WWOX: variants seen among roughly 807,000 people sequenced by gnomAD.
The protein encoded by WWOX is WW domain containing oxidoreductase.
A neutral mutation model predicts 46.2 loss-of-function variants in WWOX; 69 were observed. The observed-to-expected ratio is 1.49, with a 90% CI of 1.23 to 1.82. The LOEUF is 1.82. Among genes scored for constraint, WWOX ranks in the 40% most tolerant of loss-of-function variants. WWOX has a pLI of 0.00. For synonymous variants in WWOX, 359 were observed against 202.6 expected, an observed-to-expected ratio of 1.77 and a Z score of -6.56; for missense variants, 919 against 542.6, an observed-to-expected ratio of 1.69 and a Z score of -6.89.
At chr16:78,487,236 C>T (rs2084660872) in intron 8 of WWOX, among the ~76,000 whole-genome samples, 1 of 151,240 alleles carries the variant, frequency 6.6e-6, no homozygotes. Context: ...TTTTTTCTCC[C>T]CATCTTGAAC....
chr16:78,900,185 G>A (rs2044795182), intron 8 of WWOX, among the ~76,000 whole-genome samples: 1 of 150,810 alleles, frequency 6.6e-6, no homozygotes, highest in African/African-American at 2.4e-5. Flanking sequence ...AGAGTAGGGT[G>A]TAAACCTTCA....
chr16:79,104,734 T>C (rs1358155079), intron 8 of WWOX, among the ~76,000 whole-genome samples: 1 of 151,978 alleles, frequency 6.6e-6, no homozygotes, highest in African/African-American at 2.4e-5. Flanking sequence ...CCAGCATGAG[T>C]CCTTTTCAGA....
At chr16:78,424,786 C>T in intron 6 of WWOX, 84 bp from the exon 7 acceptor site, 2 of 1,475,776 alleles carry the variant, frequency 1.4e-6, no homozygotes, top group Middle Eastern at 3.5e-4. Context: ...TTTATGTCCA[C>T]ATCACGTGGA....
intron 4 of WWOX, among the ~76,000 whole-genome samples, chr16:78,137,532 C>A (rs574522839): frequency 6.6e-6 from 1 of 152,150 alleles, no homozygotes; most frequent in Non-Finnish European, 1.5e-5. Context: ...GGACCAAGTT[C>A]TTATTTTCTT....
intron 8 of WWOX, among the ~76,000 whole-genome samples, chr16:78,912,745 T>C (rs1282932148): frequency 4.6e-5 from 7 of 152,028 alleles, no homozygotes; most frequent in Non-Finnish European, 8.8e-5. Context: ...AATGGTAAAA[T>C]TGATTCTCTA....
chr16:78,672,747 T>G (rs562501247), intron 8 of WWOX, among the ~76,000 whole-genome samples: 1 of 152,284 alleles, frequency 6.6e-6, no homozygotes, highest in African/African-American at 2.4e-5. Context: ...AGCCCCCCAT[T>G]TTAGGGTCTG....
intron 8 of WWOX, among the ~76,000 whole-genome samples, chr16:78,476,128 G>T (rs1256203242): frequency 6.6e-6 from 1 of 152,182 alleles, no homozygotes; most frequent in African/African-American, 2.4e-5. Context: ...TCTTGCCTGT[G>T]ATACAGGTGG....
At chr16:79,204,705 T>C (rs1726627478) in intron 8 of WWOX, 1 of 152,240 alleles carries the variant, frequency 6.6e-6, no homozygotes, top group African/African-American at 2.4e-5. Context: ...TAGCCCAAGT[T>C]AACATCCTCC....
intron 8 of WWOX, among the ~76,000 whole-genome samples, chr16:78,870,199 C>G (rs571873181): frequency 4.9e-4 from 74 of 152,308 alleles, no homozygotes; most frequent in African/African-American, 1.7e-3. Context: ...GGCAGGTAAT[C>G]TGCTTCCTCA....
chr16:79,157,988 AG>A (rs1210415473), intron 8 of WWOX, among the ~76,000 whole-genome samples: 1 of 152,104 alleles, frequency 6.6e-6, no homozygotes, highest in Non-Finnish European at 1.5e-5. Flanking sequence ...GTGGGGTGTA[AG>A]TTCTGGATTG....
At chr16:78,931,067 C>T (rs1396945560) in intron 8 of WWOX, among the ~76,000 whole-genome samples, 3 of 152,110 alleles carry the variant, frequency 2.0e-5, no homozygotes, top group African/African-American at 7.2e-5. Context: ...AAATGTTTTA[C>T]TTAGTGATGA....
At chr16:78,153,788 A>T (rs573635613) in intron 4 of WWOX, among the ~76,000 whole-genome samples, 1 of 152,332 alleles carries the variant, frequency 6.6e-6, no homozygotes, top group South Asian at 2.1e-4. Flanking sequence ...TAAAACCATA[A>T]TTTACAGTAA....
At chr16:78,548,941 C>T (rs1198789611) in intron 8 of WWOX, among the ~76,000 whole-genome samples, 2 of 152,144 alleles carry the variant, frequency 1.3e-5, no homozygotes, top group Non-Finnish European at 2.9e-5. Context: ...AAGTTTTGCC[C>T]CCCAAATATA....
chr16:79,183,328 G>GA (rs1175349238), intron 8 of WWOX, among the ~76,000 whole-genome samples: 3 of 152,022 alleles, frequency 2.0e-5, no homozygotes, highest in Non-Finnish European at 4.4e-5. Context: ...CTCCCAGAAG[G>GA]AAAAAAATGA....
chr16:78,916,118 C>T (rs114435013), intron 8 of WWOX, among the ~76,000 whole-genome samples: 374 of 152,258 alleles, frequency 2.5e-3, no homozygotes, highest in African/African-American at 8.4e-3. Context: ...AGTGTACTCC[C>T]GCACAGATAA....
At chr16:78,920,862 C>G (rs1347277554) in intron 8 of WWOX, among the ~76,000 whole-genome samples, 1 of 152,214 alleles carries the variant, frequency 6.6e-6, no homozygotes, top group East Asian at 1.9e-4. Flanking sequence ...GTTCAAAACT[C>G]TGATGAGCTC....
chr16:78,831,652 A>G (rs1165306683), intron 8 of WWOX, among the ~76,000 whole-genome samples: 1 of 152,236 alleles, frequency 6.6e-6, no homozygotes, highest in Non-Finnish European at 1.5e-5. Context: ...CATCTGTGAA[A>G]GAGTGATCAT....
intron 8 of WWOX, among the ~76,000 whole-genome samples, chr16:78,947,288 C>T (rs999919889): frequency 1.3e-5 from 2 of 152,190 alleles, no homozygotes; most frequent in African/African-American, 4.8e-5. Flanking sequence ...CTCCCTGTTT[C>T]TGCCTGAAGC....
intron 8 of WWOX, among the ~76,000 whole-genome samples, chr16:79,047,763 A>G (rs1017545388): frequency 7.3e-6 from 1 of 136,566 alleles, no homozygotes; most frequent in Admixed American, 8.5e-5. Flanking sequence ...GCTGTATTCC[A>G]GGTACTTGGT....
Sources: allele counts gnomAD v4.1 joint callset (sites outside exome capture counted in the v4.1 genomes callset), GRCh38; gene constraint gnomAD v4.1.1; transcripts MANE v1.5; gene names NCBI Gene and HGNC (gene_info 2026-07-23, HGNC 2026-07-21).